Variants in MICU1 observed in about 807,000 individuals in gnomAD.
The protein encoded by MICU1 is calcium uptake protein 1, mitochondrial.
A neutral mutation model predicts 56.8 loss-of-function variants in MICU1; 45 were observed. The observed-to-expected ratio is 0.79, with a 90% CI of 0.62 to 1.02. The LOEUF (loss-of-function observed/expected upper bound fraction) is 1.02. Among genes scored for constraint, MICU1 ranks in the 50% least tolerant of loss-of-function variants. The pLI is 0.00. For synonymous variants in MICU1, 186 were observed against 195.1 expected, an observed-to-expected ratio of 0.95 and a Z score of 0.39; for missense variants, 504 against 587.1, an observed-to-expected ratio of 0.86 and a Z score of 1.46.
intron 8 of MICU1, among the ~76,000 whole-genome samples, chr10:72,449,335 C>T (rs7083517): frequency 0.65 from 98,409 of 151,842 alleles, 33,059 homozygotes; most frequent in African/African-American, 0.77. Context: ...GAGGCAGAGG[C>T]TGCACTGAGC....
intron 4 of MICU1, among the ~76,000 whole-genome samples, chr10:72,537,790 A>G (rs913473468): frequency 6.6e-6 from 1 of 152,190 alleles, no homozygotes; most frequent in African/African-American, 2.4e-5. Context: ...GTACACACAT[A>G]CTGTTAAGAA....
At chr10:72,473,984 C>T (rs1027415107) in intron 8 of MICU1, among the ~76,000 whole-genome samples, 8 of 151,792 alleles carry the variant, frequency 5.3e-5, no homozygotes, top group African/African-American at 2.4e-5. Context: ...AGGCCGGGTG[C>T]GGTGGCTCAC....
chr10:72,370,189 T>A (rs1439992888), intron 11 of MICU1, among the ~76,000 whole-genome samples: 2 of 152,146 alleles, frequency 1.3e-5, no homozygotes, highest in Non-Finnish European at 2.9e-5. Flanking sequence ...AGCATCTGTT[T>A]TAATTAGAAA....
At chr10:72,498,954 G>A (rs1409404363) in intron 6 of MICU1, among the ~76,000 whole-genome samples, 1 of 152,100 alleles carries the variant, frequency 6.6e-6, no homozygotes, top group Non-Finnish European at 1.5e-5. Context: ...TCACGTGTCT[G>A]TAACTATATT....
At chr10:72,596,726 A>G (rs1009390001) in intron 1 of MICU1, among the ~76,000 whole-genome samples, 1 of 151,886 alleles carries the variant, frequency 6.6e-6, no homozygotes, top group Non-Finnish European at 1.5e-5. Context: ...TACAAAAATT[A>G]GCCAGGCATG....
intron 5 of MICU1, among the ~76,000 whole-genome samples, chr10:72,514,886 T>A (rs1223235916): frequency 1.3e-5 from 2 of 152,190 alleles, no homozygotes; most frequent in Admixed American, 6.5e-5. Context: ...CTCCCATGTA[T>A]CTCCTTACAA....
chr10:72,566,392 T>A lies in MICU1; in HGVS notation c.161+241A>T, dbSNP rs182078838. 6.6e-5 allele frequency among the ~76,000 whole-genome samples: 10 copies of A among 152,240 alleles called. No individual in the cohort carries two copies. In the East Asian group the frequency reaches 1.9e-3, roughly 29 times the overall value. The stretch of plus-strand genomic sequence containing the variant: ...GCTGCTATTGCTATCCCTATCCCAT[T>A]ATTTAAAATGTTCAGCAGAGGAGAC... On this transcript the variant is annotated intron_variant, in intron 2 of 11. Coordinates refer to ENST00000361114, the MANE Select transcript of MICU1 (RefSeq NM_001195518.2).
At chr10:72,601,592 C>G (rs543184587) in intron 1 of MICU1, among the ~76,000 whole-genome samples, 1 of 151,674 alleles carries the variant, frequency 6.6e-6, no homozygotes, top group Non-Finnish European at 1.5e-5. Flanking sequence ...GAGGCCCCTA[C>G]AACAAAAGAC....
rs759273769 is a variant in MICU1 at position 72,595,032 on chromosome 10, C to G, written c.-1-28238G>C. On this transcript the variant is annotated intron_variant, in intron 1 of 11. Transcript: ENST00000361114. ...TTATATAAGCATATTGAAGTATCAA[C>G]AAGAAGATCCATATAAATTTATGAA... is the stretch of plus-strand genomic sequence containing the variant. Among the ~76,000 whole-genome samples, 3 of 149,756 alleles carry G rather than the reference C, an allele frequency of 2.0e-5. No individual in the cohort carries two copies. In the South Asian group the frequency reaches 6.3e-4, roughly 32 times the overall value.
chr10:72,492,489 G>A lies in MICU1; in HGVS notation c.653-15233C>T, dbSNP rs895407352. On this transcript the variant is annotated intron_variant, in intron 6 of 11. Transcript: ENST00000361114. Reference sequence around the variant, plus strand: ...TTTTTAAAATGCATATGGGCTGGGCGTGGTGGCTCCTGCCTGTAATCCCAG... The same window carrying A: ...TTTTTAAAATGCATATGGGCTGGGCATGGTGGCTCCTGCCTGTAATCCCAG... Among the ~76,000 whole-genome samples the A allele has an allele frequency of 1.8e-4, 27 of 152,246 alleles. No individual in the cohort carries two copies. In the East Asian group the frequency reaches 2.3e-3, roughly 13 times the overall value.
Position 72,482,853 on chromosome 10 carries a change from T to A in MICU1, c.653-5597A>T, listed in dbSNP as rs927175679. 7.0e-5 allele frequency among the ~76,000 whole-genome samples: 10 copies of A among 142,094 alleles called. No individual in the cohort carries two copies. The South Asian group carries it at 1.6e-3, about 22-fold the overall frequency. 93.2% of individuals were successfully genotyped at this position (142,094 alleles called of 152,430 possible). A position where few individuals can be genotyped will look rare whatever the true frequency, so the allele number is the denominator to read the frequency against. On this transcript the variant is annotated intron_variant, in intron 6 of 11. Coordinates refer to ENST00000361114, the MANE Select transcript of MICU1 (RefSeq NM_001195518.2). ...TATATATACATATATATATATATATTTATTTATTTTATTTTATTTTTTTAC... is the reference window on the plus strand; with the variant it reads ...TATATATACATATATATATATATATATATTTATTTTATTTTATTTTTTTAC...
intron 1 of MICU1, among the ~76,000 whole-genome samples, chr10:72,596,415 G>A (rs1032182609): frequency 2.6e-5 from 4 of 152,130 alleles, no homozygotes; most frequent in Non-Finnish European, 2.9e-5. Flanking sequence ...TCCAGCCTGA[G>A]TGACAGAGAG....
In MICU1 at chr10:72,551,316, C is replaced by T. The variant is rs767831720; in HGVS notation, c.356G>A (p.Arg119Gln). ...RKVMEYENRI[R>Q]AYSTPDKIFR... Reference sequence around the variant, plus strand: ...GATTTTGTCTGGCGTGGAGTAGGCTCGAATCCTATTCTCATATTCCATCAC... The same window carrying T: ...GATTTTGTCTGGCGTGGAGTAGGCTTGAATCCTATTCTCATATTCCATCAC... The change falls in exon 4 of 12, where the codon CGA becomes CAA. Residue 119 changes from arginine (R) to glutamine (Q), a missense_variant. Arg to Gln is a conservative substitution (Grantham distance 43). Transcript: ENST00000361114. 3.3e-5 allele frequency: 53 copies of T among 1,610,416 alleles called. No individual in the cohort carries two copies. Among genetic ancestry groups the T allele is most frequent in the Non-Finnish European group, 4.1e-5 (48 of 1,178,454 alleles).
intron 10 of MICU1, among the ~76,000 whole-genome samples, chr10:72,390,263 A>C (rs1863026661): frequency 6.6e-6 from 1 of 152,228 alleles, no homozygotes. Flanking sequence ...TAATACAGTA[A>C]ATCTGCAGTG....
rs1012150306 is a variant in MICU1, at chr10:72,622,202, C to T, written c.-2+3808G>A. ...CCTCCCAAAGTGCTGGGATTACAAG[C>T]GTGAGCCACCGCGCCCGGCCCCAAG... On this transcript the variant is annotated intron_variant, in intron 1 of 11. Transcript: ENST00000361114. 2.1e-3 allele frequency among the ~76,000 whole-genome samples: 313 copies of T among 149,742 alleles called. 1 individual carries two copies. Among genetic ancestry groups the T allele is most frequent in the African/African-American group, 7.1e-3 (289 of 40,518 alleles).
At chr10:72,427,218 A>T (rs753859628) in intron 8 of MICU1, among the ~76,000 whole-genome samples, 3 of 152,112 alleles carry the variant, frequency 2.0e-5, no homozygotes, top group African/African-American at 2.4e-5. Context: ...GTTGTTCCCC[A>T]GGGGGCTGCA....
intron 5 of MICU1, among the ~76,000 whole-genome samples, chr10:72,526,255 T>C (rs548561855): frequency 2.0e-5 from 3 of 152,338 alleles, no homozygotes; most frequent in African/African-American, 7.2e-5. Flanking sequence ...TGAAAGGATA[T>C]GAAATGTTGA....
chr10:72,502,167 T>TTTTTTG (rs1867096377), intron 6 of MICU1, among the ~76,000 whole-genome samples: 1 of 146,950 alleles, frequency 6.8e-6, no homozygotes. Flanking sequence ...TGTTTTTTTT[T>TTTTTTG]TTTTTTTGAG....
Position 72,475,097 on chromosome 10 carries a change from T to C in MICU1, c.933+3A>G. 1 of 1,606,036 alleles carries C rather than the reference T, an allele frequency of 6.2e-7. No homozygotes were observed. The highest frequency in any genetic ancestry group is 8.5e-7 in the Non-Finnish European group (1 of 1,175,956). ...GGATCTACTGAGTCTAAGGAAGACCTACCTCAAGCTTCAGAACATCATGCT... is the reference window on the plus strand; with the variant it reads ...GGATCTACTGAGTCTAAGGAAGACCCACCTCAAGCTTCAGAACATCATGCT... On this transcript the variant is annotated splice_donor_region_variant and intron_variant, in intron 8 of 11. Coordinates refer to ENST00000361114, the MANE Select transcript of MICU1 (RefSeq NM_001195518.2).
Sources: gnomAD v4.1 joint callset for allele counts (sites outside exome capture counted in the v4.1 genomes callset) on GRCh38, gnomAD v4.1.1 for gene constraint, MANE v1.5 for transcripts, NCBI Gene and HGNC (gene_info 2026-07-23, HGNC 2026-07-21) for gene names.